The following CPNE7 variants were observed in gnomAD, a reference collection of about 807,000 sequenced individuals.
CPNE7 encodes copine-7.
Under a neutral mutation model 66.5 loss-of-function variants are expected in CPNE7, and 78 were observed. That is an observed-to-expected ratio of 1.17 (90% CI 0.98 to 1.42). The LOEUF (loss-of-function observed/expected upper bound fraction) is 1.42. Among genes scored for constraint, CPNE7 ranks in the 40% most tolerant of loss-of-function variants. The pLI is 0.00. For synonymous variants in CPNE7, 468 were observed against 336.7 expected, an observed-to-expected ratio of 1.39 and a Z score of -4.27; for missense variants, 1,012 against 776.6, an observed-to-expected ratio of 1.30 and a Z score of -3.60.
chr16:89,588,869 G>A (rs2059127643), intron 10 of CPNE7, 61 bp downstream of exon 10: 10 of 1,595,692 alleles, frequency 6.3e-6, no homozygotes, highest in Non-Finnish European at 8.5e-6. Flanking sequence ...AGGTGCGCCT[G>A]GCCGTCTTCC....
At chr16:89,582,220 A>C (rs2058967225) in intron 2 of CPNE7, among the ~76,000 whole-genome samples, 1 of 152,194 alleles carries the variant, frequency 6.6e-6, no homozygotes, top group Non-Finnish European at 1.5e-5. Context: ...TGTGGCTTTG[A>C]GCCTGACCTG....
At chr16:89,577,802 G>C in intron 2 of CPNE7, 81 bp downstream of exon 2, 2 of 1,442,794 alleles carry the variant, frequency 1.4e-6, no homozygotes, top group Non-Finnish European at 9.3e-7. Flanking sequence ...TACCAGCACC[G>C]CAGGGACCCT....
intron 9 of CPNE7, chr16:89,587,720 CCCCG>C: frequency 5.0e-6 from 1 of 198,524 alleles, no homozygotes; most frequent in South Asian, 3.7e-5. Flanking sequence ...CCCATAGCAC[CCCCG>C]TGTCACCCAC....
In CPNE7 at chr16:89,590,404, A is replaced by G. The variant is rs1246865420; in HGVS notation, c.1116+453A>G. 2.0e-5 allele frequency among the ~76,000 whole-genome samples: 3 copies of G among 152,236 alleles called. No homozygotes were observed. The East Asian group carries it at 5.8e-4, about 30-fold the overall frequency. On this transcript the variant is annotated intron_variant, in intron 11 of 14. Coordinates refer to ENST00000319518, the MANE Select transcript of CPNE7 (RefSeq NM_153636.3). ...GCTGGGCGTGGTGGCACATGCTTGTAATCCCAGCTACTCGGGAGGCTGAAG... is the reference window on the plus strand; with the variant it reads ...GCTGGGCGTGGTGGCACATGCTTGTGATCCCAGCTACTCGGGAGGCTGAAG...
intron 1 of CPNE7, 83 bp from the exon 2 acceptor site, chr16:89,577,456 G>C: frequency 7.2e-7 from 1 of 1,392,126 alleles, no homozygotes; most frequent in South Asian, 1.3e-5. Flanking sequence ...CCTGGGCGTG[G>C]GTGAGCGGCA....
intron 5 of CPNE7, 134 bp from the exon 6 acceptor site, chr16:89,585,330 G>A (rs1027925220): frequency 6.4e-5 from 42 of 658,732 alleles, no homozygotes; most frequent in African/African-American, 5.6e-4. Context: ...TCAGGGCCCC[G>A]GCGCTGTCTG....
At position 89,575,933 on chromosome 16, in the gene CPNE7, C is replaced by G. The variant is rs981743697; in HGVS notation, c.36C>G (p.Thr12=). The G allele has an allele frequency of 1.2e-5, 16 of 1,318,054 alleles. No homozygotes were observed. In the South Asian group the frequency reaches 3.0e-4, roughly 24 times the overall value. The allele number at this position is 1,318,054 out of a possible 1,614,324, so 81.6% of individuals were successfully genotyped here. ...GCTCGGAGCGCGGGGCGGCGGCAAC[C>G]CCCGGGGGTTTGCCCGCGCCCTGCG... ...SAGSERGAAA[T]PGGLPAPCAS... Residue 12 remains threonine, a synonymous_variant, in exon 1 of 15, where the codon ACC becomes ACG. Coordinates refer to ENST00000319518, the MANE Select transcript of CPNE7 (RefSeq NM_153636.3).
chr16:89,587,119 G>A lies in CPNE7; in HGVS notation c.927+17G>A. 2.2e-6 allele frequency: 3 copies of A among 1,376,174 alleles called. No homozygotes were observed. Among genetic ancestry groups the A allele is most frequent in the East Asian group, 2.6e-5 (1 of 38,002 alleles). 85.2% of individuals were successfully genotyped at this position (1,376,174 alleles called of 1,614,324 possible). Reference sequence around the variant, plus strand: ...CACTTCACCGTGAGTCCATGGCCCCGCCCCATGCCGCCCCCTCAGTCCGTG... The same window carrying A: ...CACTTCACCGTGAGTCCATGGCCCCACCCCATGCCGCCCCCTCAGTCCGTG... On this transcript the variant is annotated intron_variant, in intron 9 of 14. Coordinates refer to ENST00000319518, the MANE Select transcript of CPNE7 (RefSeq NM_153636.3).
Position 89,587,197 on chromosome 16 carries a change from T to C in CPNE7, c.927+95T>C, listed in dbSNP as rs1229261369. On this transcript the variant is annotated intron_variant, in intron 9 of 14. Transcript: ENST00000319518. The stretch of plus-strand genomic sequence containing the variant: ...CGTGGCCCCGCCCCTCCCCGCCCCC[T>C]CAGTCTGTGGCCCCGCCCATCCCCG... 11 of 398,876 alleles carry C rather than the reference T, an allele frequency of 2.8e-5. 1 individual carries two copies. The highest frequency in any genetic ancestry group is 4.6e-5 in the Non-Finnish European group (11 of 237,738). 24.7% of individuals were successfully genotyped at this position (398,876 alleles called of 1,614,324 possible).
At chr16:89,576,655 G>C (rs944091232) in intron 1 of CPNE7, among the ~76,000 whole-genome samples, 1 of 152,188 alleles carries the variant, frequency 6.6e-6, no homozygotes, top group Non-Finnish European at 1.5e-5. Flanking sequence ...GCTTCACCTC[G>C]AAAGGGCGAG....
chr16:89,586,886 C>T (rs546222058), intron 8 of CPNE7, 130 bp downstream of exon 8: 143 of 1,096,990 alleles, frequency 1.3e-4, no homozygotes, highest in South Asian at 6.1e-4. Context: ...GGCTGAGAGA[C>T]GGGGAAGGGC....
At chr16:89,585,597 G>A (rs2059022378) in intron 6 of CPNE7, 44 bp downstream of exon 6, 2 of 1,580,150 alleles carry the variant, frequency 1.3e-6, no homozygotes, top group Non-Finnish European at 1.7e-6. Flanking sequence ...GGGGTGGCCT[G>A]GATGTGGGCT....
chr16:89,576,892 G>A (rs1315275968), intron 1 of CPNE7, among the ~76,000 whole-genome samples: 1 of 152,146 alleles, frequency 6.6e-6, no homozygotes, highest in African/African-American at 2.4e-5. Context: ...CCAGGGTTCC[G>A]GCTGCCCCCG....
intron 9 of CPNE7, chr16:89,587,710 CCCATA>C (rs2059080394): frequency 3.4e-5 from 11 of 327,060 alleles, no homozygotes; most frequent in Admixed American, 6.5e-5. Context: ...CCGTGTCACC[CCCATA>C]GCACCCCCGT....
At position 89,593,594 on chromosome 16, in the gene CPNE7, C is replaced by T. The variant is rs147925186; in HGVS notation, c.1303-1773C>T. 7.0e-4 allele frequency among the ~76,000 whole-genome samples: 107 copies of T among 152,172 alleles called. 1 individual carries two copies. The highest frequency in any genetic ancestry group is 3.3e-3 in the Admixed American group (51 of 15,288). The stretch of plus-strand genomic sequence containing the variant: ...GTCTCGATCTCCTGACCTCGTGATC[C>T]GCCCACCTCGGCCTCCCAAAGTGCT... On this transcript the variant is annotated intron_variant, in intron 13 of 14. Transcript: ENST00000319518.
chr16:89,590,712 C>T (rs760515352), intron 11 of CPNE7, among the ~76,000 whole-genome samples: 2 of 143,382 alleles, frequency 1.4e-5, no homozygotes, highest in African/African-American at 5.3e-5. Flanking sequence ...AACTCCAAGC[C>T]TACCTCTCTC....
In CPNE7 at chr16:89,584,273, C is replaced by T. The variant is rs560676892; in HGVS notation, c.507+171C>T. Among the ~76,000 whole-genome samples, 11 of 152,336 alleles carry T rather than the reference C, an allele frequency of 7.2e-5. No individual in the cohort carries two copies. The highest frequency in any genetic ancestry group is 1.2e-4 in the Non-Finnish European group (8 of 68,016). On this transcript the variant is annotated intron_variant, in intron 4 of 14. Transcript: ENST00000319518. This position sits in a 1 kb window ranked among gnomAD's most constrained non-coding sequence, Gnocchi z 6.0. ...TCACGGTCGCCATCATCACTGTCAC[C>T]GCCATTAGCTCTCCCGCCCCTCCTG...
rs377255335 is a variant in CPNE7 at position 89,592,153 on chromosome 16, C to A, written c.1302+893C>A. Among the ~76,000 whole-genome samples, 78 of 149,776 alleles carry A rather than the reference C, an allele frequency of 5.2e-4. 2 individuals are homozygous for A. Among genetic ancestry groups the A allele is most frequent in the African/African-American group, 1.7e-3 (70 of 40,680 alleles). ...CCTCCTAAGTAGCTGGGACTACAGG[C>A]GCCCACCATCATGCCCGGCTAATTT... is the stretch of plus-strand genomic sequence containing the variant. On this transcript the variant is annotated intron_variant, in intron 13 of 14. Coordinates refer to ENST00000319518, the MANE Select transcript of CPNE7 (RefSeq NM_153636.3).
chr16:89,583,781 G>T lies in CPNE7; in HGVS notation c.432+10G>T. ...CAAGTCCACCATCACGGTGAGACCC[G>T]GGCGCACCCCTGCAGCCTGCAGGCC... On this transcript the variant is annotated intron_variant, in intron 3 of 14. Coordinates refer to ENST00000319518, the MANE Select transcript of CPNE7 (RefSeq NM_153636.3). 1.9e-6 allele frequency: 3 copies of T among 1,612,376 alleles called. No homozygotes were observed. The highest frequency in any genetic ancestry group is 2.5e-6 in the Non-Finnish European group (3 of 1,179,776).
Sources: gnomAD v4.1 joint callset for allele counts (sites outside exome capture counted in the v4.1 genomes callset) on GRCh38, gnomAD v4.1.1 for gene constraint, Gnocchi (gnomAD v3.1) non-coding constraint, MANE v1.5 for transcripts, NCBI Gene and HGNC (gene_info 2026-07-23, HGNC 2026-07-21) for gene names.